The following MAST2 variants were observed in gnomAD, a reference collection of about 807,000 sequenced individuals.
MAST2 encodes the protein microtubule-associated serine/threonine-protein kinase 2.
Under a neutral mutation model 147.4 loss-of-function variants are expected in MAST2, and 70 were observed. That is an observed-to-expected ratio of 0.47 (90% CI 0.39 to 0.58). The LOEUF is 0.58. Among genes scored for constraint, MAST2 ranks in the 20% least tolerant of loss-of-function variants. MAST2 has a pLI of 0.00. For synonymous variants in MAST2, 869 were observed against 896.8 expected, an observed-to-expected ratio of 0.97 and a Z score of 0.55; for missense variants, 2,080 against 2,302.3, an observed-to-expected ratio of 0.90 and a Z score of 1.98.
chr1:45,828,084 G>C (rs1644847209), intron 2 of MAST2, among the ~76,000 whole-genome samples: 1 of 152,054 alleles, frequency 6.6e-6, no homozygotes, highest in African/African-American at 2.4e-5. Flanking sequence ...TCCTGCTTCG[G>C]CCTCCCAAAA....
At chr1:45,806,375 T>C (rs1467873964) in intron 1 of MAST2, among the ~76,000 whole-genome samples, 1 of 152,228 alleles carries the variant, frequency 6.6e-6, no homozygotes, top group Non-Finnish European at 1.5e-5. Flanking sequence ...TTTTCCATTG[T>C]ATGAATGTAT....
intron 4 of MAST2, among the ~76,000 whole-genome samples, chr1:45,890,581 C>A (rs1334868264): frequency 6.6e-6 from 1 of 152,132 alleles, no homozygotes; most frequent in Admixed American, 6.5e-5. Flanking sequence ...TTAGAGCCAC[C>A]CCTATGACCT....
chr1:45,814,259 C>T (rs903549476), intron 1 of MAST2, among the ~76,000 whole-genome samples: 3 of 152,102 alleles, frequency 2.0e-5, no homozygotes, highest in Non-Finnish European at 4.4e-5. Context: ...ACAAGTCCTT[C>T]AGTGTAATTC....
chr1:45,824,164 T>C (rs1644721285), intron 1 of MAST2, among the ~76,000 whole-genome samples: 1 of 152,232 alleles, frequency 6.6e-6, no homozygotes, highest in South Asian at 2.1e-4. Context: ...GTACTCATTA[T>C]GAATACTATA....
Position 45,879,194 on chromosome 1 carries a change from A to G in MAST2, c.469-3170A>G, listed in dbSNP as rs527958466. Among the ~76,000 whole-genome samples the G allele has an allele frequency of 6.8e-4, 104 of 152,262 alleles. No homozygotes were observed. In the South Asian group the frequency reaches 0.019, roughly 28 times the overall value. ...AAGGACAGTGTTTTCAATAAATGGT[A>G]TTGAAATAAGTGGATATCCATATGA... is the stretch of plus-strand genomic sequence containing the variant. On this transcript the variant is annotated intron_variant, in intron 3 of 28. Coordinates refer to ENST00000361297, the MANE Select transcript of MAST2 (RefSeq NM_015112.3).
intron 19 of MAST2, 103 bp from the exon 20 acceptor site, chr1:46,029,728 C>G (rs1406048610): frequency 6.9e-7 from 1 of 1,453,878 alleles, no homozygotes; most frequent in Non-Finnish European, 9.4e-7. Context: ...TTGAGCTGAT[C>G]CCCTAGGTAT....
chr1:46,006,229 T>C lies in MAST2; in HGVS notation c.748-12T>C, dbSNP rs1385352155. ...TGTCTTTAATGCCACTTCTTAATGT[T>C]TTCCCCTCTAGTCATCATGCTCCTC... On this transcript the variant is annotated splice_polypyrimidine_tract_variant and intron_variant, in intron 7 of 28. Transcript: ENST00000361297. The C allele has an allele frequency of 1.2e-6, 2 of 1,608,484 alleles. No homozygotes were observed. The highest frequency in any genetic ancestry group is 2.2e-5 in the South Asian group (2 of 90,150).
At chr1:45,833,569 G>T (rs1464685715) in intron 3 of MAST2, among the ~76,000 whole-genome samples, 1 of 152,132 alleles carries the variant, frequency 6.6e-6, no homozygotes, top group Non-Finnish European at 1.5e-5. Context: ...TGAGTCATAT[G>T]ATAACTGTAT....
At chr1:46,032,097 G>A in intron 24 of MAST2, 81 bp from the exon 25 acceptor site, 1 of 1,066,892 alleles carries the variant, frequency 9.4e-7, no homozygotes, top group South Asian at 1.3e-5. Context: ...TGTGACTAGA[G>A]TTGTGCTGAC....
At chr1:45,898,553 A>G (rs1432048324) in intron 4 of MAST2, among the ~76,000 whole-genome samples, 3 of 151,890 alleles carry the variant, frequency 2.0e-5, no homozygotes, top group Non-Finnish European at 4.4e-5. Flanking sequence ...GAGAATTTTT[A>G]TCTTCCATGG....
At chr1:45,921,867 T>C (rs1249485075) in intron 4 of MAST2, among the ~76,000 whole-genome samples, 1 of 152,232 alleles carries the variant, frequency 6.6e-6, no homozygotes, top group Admixed American at 6.5e-5. Context: ...ATTACAGCTC[T>C]TTTGGCCCTG....
intron 3 of MAST2, among the ~76,000 whole-genome samples, chr1:45,877,974 C>T (rs1449751117): frequency 1.3e-5 from 2 of 152,138 alleles, no homozygotes; most frequent in South Asian, 2.1e-4. Flanking sequence ...GAGACCAAGG[C>T]GGGTGGATCA....
chr1:45,840,152 T>G (rs1212824606), intron 3 of MAST2, among the ~76,000 whole-genome samples: 2 of 152,208 alleles, frequency 1.3e-5, no homozygotes, highest in African/African-American at 4.8e-5. Flanking sequence ...TATTTATTTT[T>G]AATGGAATGA....
chr1:46,035,792 C>T lies in MAST2; in HGVS notation c.5123C>T (p.Pro1708Leu). 4 of 1,614,136 alleles carry T rather than the reference C, an allele frequency of 2.5e-6. No homozygotes were observed. The highest frequency in any genetic ancestry group is 3.4e-6 in the Non-Finnish European group (4 of 1,180,030). ...AGGGAGCAGGGGAAGACACAGCCACCTAGTGCCCCCAGACTGGCCCATCCA... is the reference window on the plus strand; with the variant it reads ...AGGGAGCAGGGGAAGACACAGCCACTTAGTGCCCCCAGACTGGCCCATCCA... ...SPREQGKTQP[P>L]SAPRLAHPSY... The change falls in exon 29 of 29, where the codon CCT becomes CTT. Residue 1708 changes from proline to leucine, a missense_variant. Physicochemically the swap from Pro to Leu is moderately conservative, Grantham distance 98. Transcript: ENST00000361297. The surrounding 1 kb of genome is among the most constrained non-coding windows in gnomAD (Gnocchi z 5.5).
At chr1:45,821,099 C>G (rs1261416215) in intron 1 of MAST2, among the ~76,000 whole-genome samples, 1 of 151,788 alleles carries the variant, frequency 6.6e-6, no homozygotes, top group Non-Finnish European at 1.5e-5. Context: ...AGAGTTTCGC[C>G]ATGTTGCCCA....
In MAST2 at chr1:46,024,040, A is replaced by G. The variant is rs556721219; in HGVS notation, c.1780+60A>G. 8.3e-5 allele frequency: 127 copies of G among 1,525,826 alleles called. No homozygotes were observed. In the Middle Eastern group the frequency reaches 2.2e-3, roughly 27 times the overall value. The allele number at this position is 1,525,826 out of a possible 1,614,324, so 94.5% of individuals were successfully genotyped here. ...AGGCACAGTCTGAGACTTAGCCTTA[A>G]ACAGGGACCAGCAGCTTTGTACAGA... On this transcript the variant is annotated intron_variant, in intron 15 of 28. Coordinates refer to ENST00000361297, the MANE Select transcript of MAST2 (RefSeq NM_015112.3).
chr1:46,029,500 G>A lies in MAST2; in HGVS notation c.2253G>A (p.Leu751=), dbSNP rs748047929. 2 of 1,614,060 alleles carry A rather than the reference G, an allele frequency of 1.2e-6. No individual in the cohort carries two copies. The highest frequency in any genetic ancestry group is 1.7e-6 in the Non-Finnish European group (2 of 1,179,978). The change falls in exon 19 of 29, where the codon CTG becomes CTA. Residue 751 remains leucine (L), a synonymous_variant. Transcript: ENST00000361297. ...EIVWPEGDEA[L]PPDAQDLTSK... is the part of the protein sequence containing the mutation. Reference sequence around the variant, plus strand: ...TGTGGCCTGAGGGTGATGAGGCACTGCCCCCAGACGCCCAGGACCTCACCT... The same window carrying A: ...TGTGGCCTGAGGGTGATGAGGCACTACCCCCAGACGCCCAGGACCTCACCT...
Position 45,994,274 on chromosome 1 carries a change from C to CTTTTTTTTTTTTTTTTTT in MAST2, c.593-3442_593-3425dup, listed in dbSNP as rs869216588. On this transcript the variant is annotated intron_variant, in intron 5 of 28. Coordinates refer to ENST00000361297, the MANE Select transcript of MAST2 (RefSeq NM_015112.3). ...GCAAGTGGCTCAAAGCCCTAACCCT[C>CTTTTTTTTTTTTTTTTTT]TTTTTTTTTTTTTTTTTTTTTTTTT... is the stretch of plus-strand genomic sequence containing the variant. 1.8e-4 allele frequency among the ~76,000 whole-genome samples: 11 copies of CTTTTTTTTTTTTTTTTTT among 62,028 alleles called. 3 individuals carry two copies. The East Asian group carries it at 1.9e-3, about 11-fold the overall frequency. 40.7% of individuals were successfully genotyped at this position (62,028 alleles called of 152,430 possible). A position where few individuals can be genotyped will look rare whatever the true frequency, so the allele number is the denominator to read the frequency against.
intron 3 of MAST2, among the ~76,000 whole-genome samples, chr1:45,847,833 GC>G (rs1039250016): frequency 6.6e-6 from 1 of 152,140 alleles, no homozygotes; most frequent in African/African-American, 2.4e-5. Flanking sequence ...GAGCCACTAT[GC>G]CCGGCCAGTA....
Sources: allele counts gnomAD v4.1 joint callset (sites outside exome capture counted in the v4.1 genomes callset), GRCh38; gene constraint gnomAD v4.1.1; non-coding constraint Gnocchi (gnomAD v3.1); transcripts MANE v1.5; gene names NCBI Gene and HGNC (gene_info 2026-07-23, HGNC 2026-07-21).